The following TMEM132C variants were observed in gnomAD, a reference collection of about 807,000 sequenced individuals.
TMEM132C encodes transmembrane protein 132C, also known as protein phosphatase 1, regulatory subunit 152.
In TMEM132C, 29 loss-of-function variants were observed where a neutral mutation model predicts 61.4. The ratio of observed to expected loss-of-function variants is 0.47; its 90% CI spans 0.35 to 0.64. TMEM132C has a LOEUF of 0.64. Among genes scored for constraint, TMEM132C ranks in the 30% least tolerant of loss-of-function variants. TMEM132C has a pLI of 0.00. For synonymous variants in TMEM132C, 656 were observed against 633.1 expected, an observed-to-expected ratio of 1.04 and a Z score of -0.54; for missense variants, 1,408 against 1,476.9, an observed-to-expected ratio of 0.95 and a Z score of 0.76.
At chr12:128,285,590 A>G (rs1029645090) in intron 1 of TMEM132C, among the ~76,000 whole-genome samples, 1 of 151,968 alleles carries the variant, frequency 6.6e-6, no homozygotes, top group Admixed American at 6.6e-5. Flanking sequence ...AACCAGCCGG[A>G]CCCAGGGGTT....
At chr12:128,367,547 G>T (rs1873905953) in intron 1 of TMEM132C, among the ~76,000 whole-genome samples, 1 of 152,082 alleles carries the variant, frequency 6.6e-6, no homozygotes, top group African/African-American at 2.4e-5. Flanking sequence ...ACAGTCCAAG[G>T]GCTCTGGCAC....
chr12:128,342,844 CA>C (rs1243718353), intron 1 of TMEM132C, among the ~76,000 whole-genome samples: 10 of 152,220 alleles, frequency 6.6e-5, no homozygotes, highest in African/African-American at 2.4e-4. Flanking sequence ...CTTTGAACTT[CA>C]TTTCCTTAGG....
chr12:128,589,554 C>T (rs1593111070), intron 3 of TMEM132C, among the ~76,000 whole-genome samples: 2 of 144,108 alleles, frequency 1.4e-5, no homozygotes, highest in South Asian at 2.4e-4. Flanking sequence ...TCGATAGCGT[C>T]GTGACGCATC....
intron 2 of TMEM132C, among the ~76,000 whole-genome samples, chr12:128,455,799 A>G (rs1223583620): frequency 1.3e-5 from 2 of 152,154 alleles, no homozygotes; most frequent in Non-Finnish European, 2.9e-5. Context: ...ACAGTAATCC[A>G]GGCCGACTTA....
At chr12:128,322,928 T>C (rs1270965776) in intron 1 of TMEM132C, among the ~76,000 whole-genome samples, 1 of 152,202 alleles carries the variant, frequency 6.6e-6, no homozygotes, top group South Asian at 2.1e-4. Context: ...AATATTATTA[T>C]GTAAAAGAAG....
intron 2 of TMEM132C, among the ~76,000 whole-genome samples, chr12:128,431,153 T>C (rs1426529108): frequency 2.0e-5 from 3 of 152,204 alleles, no homozygotes; most frequent in Admixed American, 2.0e-4. Context: ...ACAGAAGTGA[T>C]ACGAAGGCAA....
chr12:128,387,407 G>C (rs1309794206), intron 1 of TMEM132C, among the ~76,000 whole-genome samples: 1 of 152,222 alleles, frequency 6.6e-6, no homozygotes, highest in Non-Finnish European at 1.5e-5. Flanking sequence ...GTGCCTGGGA[G>C]GGAACCGCAC....
At position 128,524,694 on chromosome 12, in the gene TMEM132C, C is replaced by T. The variant is rs933763861; in HGVS notation, c.975-19263C>T. Among the ~76,000 whole-genome samples, 5 of 152,194 alleles carry T rather than the reference C, an allele frequency of 3.3e-5. No individual in the cohort carries two copies. In the East Asian group the frequency reaches 5.8e-4, roughly 18 times the overall value. On this transcript the variant is annotated intron_variant, in intron 2 of 8. Coordinates refer to ENST00000435159, the MANE Select transcript of TMEM132C (RefSeq NM_001136103.3). ...GTGCTTCTGAAGCAGGCTTTGGGAT[C>T]GATGGGTTTCTCTGCTCTCATTTCC...
At chr12:128,686,278 G>A (rs542222738) in intron 5 of TMEM132C, among the ~76,000 whole-genome samples, 12 of 152,302 alleles carry the variant, frequency 7.9e-5, no homozygotes, top group Admixed American at 5.9e-4. Flanking sequence ...GCTACACGTG[G>A]TGGTTACCTT....
In TMEM132C at chr12:128,707,684, C is replaced by T. The variant is rs1020155185; in HGVS notation, c.*1389C>T. On this transcript the variant is annotated 3_prime_UTR_variant, in exon 9 of 9. Coordinates refer to ENST00000435159, the MANE Select transcript of TMEM132C (RefSeq NM_001136103.3). ...CTGCAGGAGGAAGATGCCTGACAGC[C>T]CTCATGCTCTCCGCAGGGGGGCGCT... 3.3e-5 allele frequency: 5 copies of T among 152,264 alleles called. No homozygotes were observed. The East Asian group carries it at 7.7e-4, about 24-fold the overall frequency. The allele number at this position is 152,264 out of a possible 1,614,324, so 9.4% of individuals were successfully genotyped here.
intron 2 of TMEM132C, among the ~76,000 whole-genome samples, chr12:128,522,186 AC>A (rs1373070668): frequency 6.6e-6 from 1 of 152,218 alleles, no homozygotes; most frequent in Admixed American, 6.5e-5. Flanking sequence ...TTTTGGACGT[AC>A]CCTTGTAACA....
intron 2 of TMEM132C, among the ~76,000 whole-genome samples, chr12:128,493,906 GA>G (rs1715912305): frequency 6.6e-6 from 1 of 152,306 alleles, no homozygotes; most frequent in South Asian, 2.1e-4. Context: ...AGTGGTGAGA[GA>G]GGGCATCCCT....
chr12:128,445,303 A>G (rs542400214), intron 2 of TMEM132C, among the ~76,000 whole-genome samples: 1 of 152,336 alleles, frequency 6.6e-6, no homozygotes, highest in East Asian at 1.9e-4. Context: ...ACAAAGCAAC[A>G]TTAAAAGAGA....
chr12:128,524,196 C>T (rs146403196), intron 2 of TMEM132C, among the ~76,000 whole-genome samples: 56 of 152,142 alleles, frequency 3.7e-4, no homozygotes, highest in Middle Eastern at 3.4e-3. Flanking sequence ...TTGTAGAGTC[C>T]AGGGCAACTG....
chr12:128,392,064 T>TCTCTCTCTCTCTC (rs1555222005), intron 1 of TMEM132C, among the ~76,000 whole-genome samples: 37 of 130,530 alleles, frequency 2.8e-4, no homozygotes, highest in African/African-American at 1.0e-3. Flanking sequence ...CTCTCTCTCT[T>TCTCTCTCTCTCTC]TCTCTCTCTC....
At position 128,415,220 on chromosome 12, in the gene TMEM132C, G is replaced by C; in HGVS notation, c.574G>C (p.Gly192Arg). ...CAGCTGCCGGCTGAAGGGGGACCTG[G>C]GGCTGTGTGTGGCTGAGCTGGAGCT... ...RGSCRLKGDL[G>R]LCVAELELLS... Residue 192 changes from glycine (G) to arginine (R), a missense_variant, in exon 2 of 9, where the codon GGG becomes CGG. Gly to Arg is a moderately radical substitution (Grantham distance 125). Transcript: ENST00000435159. The surrounding 1 kb of genome is among the most constrained non-coding windows in gnomAD (Gnocchi z 5.8). The C allele has an allele frequency of 3.1e-6, 5 of 1,610,070 alleles. No homozygotes were observed. Among genetic ancestry groups the C allele is most frequent in the Non-Finnish European group, 4.2e-6 (5 of 1,178,244 alleles).
intron 1 of TMEM132C, among the ~76,000 whole-genome samples, chr12:128,329,061 T>C (rs1236557071): frequency 1.3e-5 from 2 of 152,154 alleles, no homozygotes; most frequent in African/African-American, 4.8e-5. Flanking sequence ...CCAGGACTTA[T>C]CAGGGGAAGG....
chr12:128,301,469 T>C (rs1193616413), intron 1 of TMEM132C, among the ~76,000 whole-genome samples: 1 of 152,218 alleles, frequency 6.6e-6, no homozygotes, highest in Non-Finnish European at 1.5e-5. Context: ...GTTGCCTGCC[T>C]GCCTAATAGT....
intron 4 of TMEM132C, among the ~76,000 whole-genome samples, chr12:128,651,181 C>T (rs933578382): frequency 2.6e-5 from 4 of 152,220 alleles, no homozygotes; most frequent in African/African-American, 9.6e-5. Flanking sequence ...TCTCCTGTTG[C>T]CCAAGCCCAA....
Sources: allele counts gnomAD v4.1 joint callset (sites outside exome capture counted in the v4.1 genomes callset), GRCh38; gene constraint gnomAD v4.1.1; non-coding constraint Gnocchi (gnomAD v3.1); transcripts MANE v1.5; gene names NCBI Gene and HGNC (gene_info 2026-07-23, HGNC 2026-07-21).